Variants in LANCL3 observed in about 807,000 individuals in gnomAD.
LANCL3 encodes LanC like family member 3.
Under a neutral mutation model 26.5 loss-of-function variants are expected in LANCL3, and 19 were observed. That is an observed-to-expected ratio of 0.72 (90% confidence interval 0.50 to 1.05). LANCL3 has a LOEUF of 1.05. LANCL3 is among the 50% of genes least tolerant of loss of function. LANCL3 has a pLI of 0.00. For synonymous variants in LANCL3, 160 were observed against 166.6 expected (o/e 0.96, Z 0.30); for missense variants, 318 against 362.7 (o/e 0.88, Z 1.00).
chrX:37,672,708 G>A (rs1329159357), intron 4 of LANCL3, among the ~76,000 whole-genome samples: 5 of 111,445 alleles, frequency 4.5e-5, no homozygotes, highest in Non-Finnish European at 7.5e-5. Flanking sequence ...GTGGAGGGCT[G>A]GCATATCTTG....
intron 1 of LANCL3, among the ~76,000 whole-genome samples, chrX:37,577,682 G>C (rs1556416565): frequency 8.9e-6 from 1 of 112,407 alleles, no homozygotes; most frequent in Non-Finnish European, 1.9e-5. Context: ...GCACATAGTA[G>C]CTGCTAAATG....
At chrX:37,649,590 T>C (rs1314785667) in intron 1 of LANCL3, among the ~76,000 whole-genome samples, 2 of 111,549 alleles carry the variant, frequency 1.8e-5, no homozygotes, top group Admixed American at 1.9e-4. Context: ...AATAAAACAA[T>C]AAAAAATAAA....
chrX:37,606,543 T>G (rs1556420556), intron 1 of LANCL3, among the ~76,000 whole-genome samples: 1 of 112,106 alleles, frequency 8.9e-6, no homozygotes, highest in Non-Finnish European at 1.9e-5. Context: ...TTTTGTTCCA[T>G]GATGCATCCC....
chrX:37,612,805 G>A (rs184724539), intron 1 of LANCL3, among the ~76,000 whole-genome samples: 1 of 111,902 alleles, frequency 8.9e-6, no homozygotes, highest in Non-Finnish European at 1.9e-5. Context: ...TGTTGACACA[G>A]TGAGAGAAGT....
At chrX:37,589,620 C>T (rs782798712) in intron 1 of LANCL3, among the ~76,000 whole-genome samples, 1 of 111,873 alleles carries the variant, frequency 8.9e-6, no homozygotes, top group Admixed American at 9.4e-5. Context: ...CAACTATAAA[C>T]CCTCCTTCAA....
intron 3 of LANCL3, among the ~76,000 whole-genome samples, chrX:37,661,053 T>G (rs919498360): frequency 1.8e-5 from 2 of 111,303 alleles, no homozygotes; most frequent in South Asian, 7.5e-4. Flanking sequence ...ATATTTCTTC[T>G]TGTTAGCCTC....
intron 1 of LANCL3, among the ~76,000 whole-genome samples, chrX:37,587,742 C>T (rs1277074227): frequency 1.8e-5 from 2 of 112,519 alleles, no homozygotes; most frequent in East Asian, 5.6e-4. Context: ...CTTTGTGCTT[C>T]CCGGGTGAGG....
chrX:37,640,909 C>T (rs897889374), intron 1 of LANCL3, among the ~76,000 whole-genome samples: 1 of 111,552 alleles, frequency 9.0e-6, no homozygotes, highest in Non-Finnish European at 1.9e-5. Context: ...AGGCATAAAA[C>T]AAAAATTGAA....
At chrX:37,623,953 T>C (rs1319982255) in intron 1 of LANCL3, among the ~76,000 whole-genome samples, 4 of 112,413 alleles carry the variant, frequency 3.6e-5, no homozygotes, top group East Asian at 2.8e-4. Flanking sequence ...ATCTGCCTTA[T>C]TGCTTTCATG....
chrX:37,584,618 A>G (rs1320487564), intron 1 of LANCL3, among the ~76,000 whole-genome samples: 1 of 111,689 alleles, frequency 9.0e-6, no homozygotes, highest in African/African-American at 3.3e-5. Context: ...AGGTGTTTAT[A>G]GTATTCTCTG....
At position 37,572,237 on chromosome X, in the gene LANCL3, G is replaced by C. The variant is rs1362815022; in HGVS notation, c.367G>C (p.Gly123Arg). Residue 123 changes from glycine to arginine, a missense_variant, in exon 1 of 5, where the codon GGG (glycine) becomes CGG (arginine). Gly to Arg is a moderately radical substitution (Grantham distance 125). Transcript: ENST00000378619. ...DADTRAAFLL[G>R]GAGVYAVATL... ...CGACACCCGCGCCGCCTTCCTGCTC[G>C]GGGGCGCGGGCGTGTACGCCGTGGC... 3.5e-6 allele frequency: 4 copies of C among 1,146,739 alleles called. No individual in the cohort carries two copies. The highest frequency in any genetic ancestry group is 3.2e-5 in the East Asian group (1 of 31,015). The allele number at this position is 1,146,739 out of a possible 1,213,427, so 94.5% of individuals were successfully genotyped here. A position where few individuals can be genotyped will look rare whatever the true frequency, so the allele number is the denominator to read the frequency against.
intron 1 of LANCL3, among the ~76,000 whole-genome samples, chrX:37,651,170 A>C (rs1488934942): frequency 1.8e-5 from 2 of 111,335 alleles, no homozygotes; most frequent in Admixed American, 1.9e-4. Context: ...TACTATTGTG[A>C]ATAGTGCAGC....
At chrX:37,609,298 A>T (rs1924798432) in intron 1 of LANCL3, among the ~76,000 whole-genome samples, 1 of 111,682 alleles carries the variant, frequency 9.0e-6, no homozygotes, top group Non-Finnish European at 1.9e-5. Context: ...GTTGATCTGG[A>T]GGCTAAACTA....
At chrX:37,646,869 A>G (rs1556427107) in intron 1 of LANCL3, among the ~76,000 whole-genome samples, 1 of 111,769 alleles carries the variant, frequency 8.9e-6, no homozygotes, top group Admixed American at 9.5e-5. Flanking sequence ...GGAGGTAGGA[A>G]AGCAGGAACA....
intron 1 of LANCL3, among the ~76,000 whole-genome samples, chrX:37,589,647 G>T (rs1924215663): frequency 8.9e-6 from 1 of 111,827 alleles, no homozygotes; most frequent in African/African-American, 3.3e-5. Flanking sequence ...ACTTGGTGAA[G>T]ACAGTGGCTG....
chrX:37,666,347 G>T (rs967756345), intron 3 of LANCL3, among the ~76,000 whole-genome samples: 2 of 111,986 alleles, frequency 1.8e-5, no homozygotes, highest in Non-Finnish European at 3.8e-5. Flanking sequence ...GACAGAGTGT[G>T]AGTTTCTAGG....
intron 1 of LANCL3, among the ~76,000 whole-genome samples, chrX:37,631,264 G>A (rs140193847): frequency 0.23 from 25,407 of 110,708 alleles, 2,524 homozygotes; most frequent in African/African-American, 0.39. Flanking sequence ...ATTCTCTGAT[G>A]GTAGTTTGTA....
At chrX:37,592,285 C>T (rs1304005950) in intron 1 of LANCL3, among the ~76,000 whole-genome samples, 1 of 112,544 alleles carries the variant, frequency 8.9e-6, no homozygotes, top group Non-Finnish European at 1.9e-5. Context: ...GGTACACTGT[C>T]TCATCACGCT....
intron 1 of LANCL3, among the ~76,000 whole-genome samples, chrX:37,607,915 G>A (rs782730555): frequency 5.8e-4 from 65 of 112,166 alleles, no homozygotes; most frequent in African/African-American, 2.0e-3. Flanking sequence ...CAAATGATTT[G>A]GTCTTGACAG....
Sources: allele counts gnomAD v4.1 joint callset (sites outside exome capture counted in the v4.1 genomes callset), GRCh38; gene constraint gnomAD v4.1.1; transcripts MANE v1.5; gene names NCBI Gene and HGNC (gene_info 2026-07-23, HGNC 2026-07-21).